The following STX8 variants were observed in gnomAD, a reference collection of about 807,000 sequenced individuals.
The protein encoded by STX8 is syntaxin 8.
A neutral mutation model predicts 37.5 loss-of-function variants in STX8; 23 were observed. The observed-to-expected ratio is 0.61, with a 90% CI of 0.44 to 0.87. The LOEUF is 0.87. STX8 is among the 40% of genes least tolerant of loss of function. The probability of loss-of-function intolerance (pLI) is 0.00; values close to 1 mark genes in which losing one functional copy is unlikely to be tolerated. For synonymous variants in STX8, 115 were observed against 99.1 expected (o/e 1.16, Z -0.95); for missense variants, 313 against 284.7 (o/e 1.10, Z -0.71).
intron 7 of STX8, among the ~76,000 whole-genome samples, chr17:9,317,544 T>C (rs190901709): frequency 0.01 from 1,554 of 152,200 alleles, 35 homozygotes; most frequent in African/African-American, 0.035. Context: ...GGCGGGCAGA[T>C]CACAAGGGCA....
At chr17:9,462,147 T>C (rs989800674) in intron 6 of STX8, among the ~76,000 whole-genome samples, 3 of 152,010 alleles carry the variant, frequency 2.0e-5, no homozygotes, top group East Asian at 1.9e-4. Context: ...GACCCCTGGG[T>C]TAGAGAATCA....
chr17:9,448,973 TA>T (rs2142399016), intron 6 of STX8, among the ~76,000 whole-genome samples: 1 of 152,244 alleles, frequency 6.6e-6, no homozygotes, highest in African/African-American at 2.4e-5. Flanking sequence ...ATACATAGAT[TA>T]AAAAAATTTC....
At chr17:9,358,791 G>A (rs1910964708) in intron 7 of STX8, among the ~76,000 whole-genome samples, 1 of 152,162 alleles carries the variant, frequency 6.6e-6, no homozygotes, top group Non-Finnish European at 1.5e-5. Context: ...GAGGAAGACT[G>A]GAACTGAGAG....
At chr17:9,318,481 CT>C (rs1484082086) in intron 7 of STX8, among the ~76,000 whole-genome samples, 1 of 152,104 alleles carries the variant, frequency 6.6e-6, no homozygotes, top group Non-Finnish European at 1.5e-5. Context: ...AGAAAGAGCA[CT>C]TGGAAAGTAA....
At chr17:9,278,290 A>G (rs1266474420) in intron 7 of STX8, among the ~76,000 whole-genome samples, 2 of 152,236 alleles carry the variant, frequency 1.3e-5, no homozygotes, top group East Asian at 3.8e-4. Context: ...CTCTACTAAA[A>G]ATACAAAATT....
chr17:9,557,399 C>T, intron 3 of STX8, 35 bp downstream of exon 3: 1 of 1,566,782 alleles, frequency 6.4e-7, no homozygotes, highest in Non-Finnish European at 8.8e-7. Context: ...TTTCCTCCCA[C>T]TCTAGAAAAG....
At position 9,506,412 on chromosome 17, in the gene STX8, C is replaced by CGG. The variant is rs1555532628; in HGVS notation, c.324-1251_324-1250insCC. ...GTCAGCTGGTGCTCACCCGCTCCCC[C>CGG]CCCCCCCCACCCACCTTTCTTAGGA... On this transcript the variant is annotated intron_variant, in intron 4 of 7. Coordinates refer to ENST00000306357, the MANE Select transcript of STX8 (RefSeq NM_004853.3). Among the ~76,000 whole-genome samples the CGG allele has an allele frequency of 5.8e-5, 5 of 85,584 alleles. 1 individual carries two copies. Among genetic ancestry groups the CGG allele is most frequent in the Non-Finnish European group, 1.0e-4 (4 of 39,528 alleles). 56.1% of individuals were successfully genotyped at this position (85,584 alleles called of 152,430 possible). A position where few individuals can be genotyped will look rare whatever the true frequency, so the allele number is the denominator to read the frequency against.
chr17:9,371,751 T>C (rs1567801343), intron 7 of STX8, among the ~76,000 whole-genome samples: 1 of 152,142 alleles, frequency 6.6e-6, no homozygotes, highest in African/African-American at 2.4e-5. Context: ...AGAAGTTCTA[T>C]CTGGTCCCTT....
intron 7 of STX8, among the ~76,000 whole-genome samples, chr17:9,293,169 G>A (rs937903492): frequency 3.3e-5 from 5 of 152,214 alleles, no homozygotes; most frequent in African/African-American, 1.2e-4. Flanking sequence ...CATTTACAAA[G>A]TGCCAAGCAT....
At chr17:9,521,550 C>T (rs527396885) in intron 4 of STX8, among the ~76,000 whole-genome samples, 2 of 152,218 alleles carry the variant, frequency 1.3e-5, no homozygotes, top group East Asian at 3.9e-4. Flanking sequence ...TCTTTCAGTC[C>T]AATACTCTGT....
At chr17:9,336,265 G>A (rs1316047722) in intron 7 of STX8, among the ~76,000 whole-genome samples, 1 of 152,194 alleles carries the variant, frequency 6.6e-6, no homozygotes, top group Non-Finnish European at 1.5e-5. Flanking sequence ...CTAAAGGAAT[G>A]ATCAAGATCC....
chr17:9,370,487 A>G (rs970283062), intron 7 of STX8, among the ~76,000 whole-genome samples: 7 of 152,106 alleles, frequency 4.6e-5, no homozygotes, highest in African/African-American at 1.4e-4. Context: ...TACTACTCTT[A>G]ACCAGGGTCC....
intron 7 of STX8, among the ~76,000 whole-genome samples, chr17:9,280,331 G>A (rs1189798216): frequency 6.6e-6 from 1 of 152,170 alleles, no homozygotes; most frequent in Non-Finnish European, 1.5e-5. Flanking sequence ...AGACCAAGGC[G>A]GGTGGATCAC....
chr17:9,521,681 T>C (rs1294934464), intron 4 of STX8, among the ~76,000 whole-genome samples: 2 of 152,180 alleles, frequency 1.3e-5, no homozygotes, highest in African/African-American at 4.8e-5. Flanking sequence ...GAGACATAAA[T>C]ACCTGACCTC....
chr17:9,487,606 T>C (rs1906655038), intron 6 of STX8, among the ~76,000 whole-genome samples: 1 of 152,026 alleles, frequency 6.6e-6, no homozygotes, highest in Admixed American at 6.6e-5. Context: ...AGCTGCCTTC[T>C]CTCCGGGAGG....
At position 9,301,748 on chromosome 17, in the gene STX8, C is replaced by T. The variant is rs138001334; in HGVS notation, c.644-51103G>A. ...TCGTGATCCGTCCGTCTCGGCCTCCCAAAGTGTTGGGATTACAGGCATGAG... is the reference window on the plus strand; with the variant it reads ...TCGTGATCCGTCCGTCTCGGCCTCCTAAAGTGTTGGGATTACAGGCATGAG... On this transcript the variant is annotated intron_variant, in intron 7 of 7. Coordinates refer to ENST00000306357, the MANE Select transcript of STX8 (RefSeq NM_004853.3). Among the ~76,000 whole-genome samples the T allele has an allele frequency of 4.2e-3, 633 of 152,110 alleles. 3 individuals are homozygous for T. Among genetic ancestry groups the T allele is most frequent in the African/African-American group, 0.014 (596 of 41,484 alleles).
At chr17:9,295,634 T>G (rs1908491003) in intron 7 of STX8, among the ~76,000 whole-genome samples, 1 of 151,448 alleles carries the variant, frequency 6.6e-6, no homozygotes, top group Admixed American at 6.6e-5. Flanking sequence ...TTCCAGTTAC[T>G]CGGGAGGCTG....
rs577223849 is a variant in STX8, at chr17:9,424,337, C to A, written c.542-45684G>T. Among the ~76,000 whole-genome samples, 34 of 152,062 alleles carry A rather than the reference C, an allele frequency of 2.2e-4. No homozygotes were observed. The South Asian group carries it at 6.8e-3, about 31-fold the overall frequency. ...GTTTTGGGTCCCTGCAAGATTGGGG[C>A]CCTGCCTACTTTCTCAACCAGTTTA... On this transcript the variant is annotated intron_variant, in intron 6 of 7. Transcript: ENST00000306357.
intron 7 of STX8, among the ~76,000 whole-genome samples, chr17:9,315,748 A>G (rs534830191): frequency 1.6e-3 from 242 of 152,284 alleles, no homozygotes; most frequent in African/African-American, 5.6e-3. Flanking sequence ...ATGGTGGCTC[A>G]CGCCTGTAAT....
Sources: gnomAD v4.1 joint callset for allele counts (sites outside exome capture counted in the v4.1 genomes callset) on GRCh38, gnomAD v4.1.1 for gene constraint, MANE v1.5 for transcripts, NCBI Gene and HGNC (gene_info 2026-07-23, HGNC 2026-07-21) for gene names.